The following VPS41 variants were observed in gnomAD, a reference collection of about 807,000 sequenced individuals.
VPS41 encodes the protein VPS41 subunit of HOPS complex.
In VPS41, 85 loss-of-function variants were observed where a neutral mutation model predicts 130.9. That is an observed-to-expected ratio of 0.65 (90% CI 0.55 to 0.78). The LOEUF (loss-of-function observed/expected upper bound fraction) is 0.78. Among genes scored for constraint, VPS41 ranks in the 30% least tolerant of loss-of-function variants. The pLI, the probability that VPS41 is intolerant of heterozygous loss-of-function variation, is 0.00. For missense variants in VPS41, 874 were observed against 1,018.7 expected (o/e 0.86, Z 1.93); for synonymous variants, 335 against 332.9 (o/e 1.01, Z -0.07).
intron 25 of VPS41, among the ~76,000 whole-genome samples, chr7:38,733,488 C>CTT (rs1490167797): frequency 2.0e-5 from 3 of 152,162 alleles, no homozygotes; most frequent in Non-Finnish European, 4.4e-5. Context: ...ACTACAGAAG[C>CTT]TTATAAGCAT....
intron 22 of VPS41, 181 bp from the exon 23 acceptor site, chr7:38,745,794 ACTGG>A: frequency 1.7e-6 from 1 of 602,126 alleles, no homozygotes; most frequent in Non-Finnish European, 2.9e-6. Context: ...TCTCAGAGGT[ACTGG>A]ACTCTACACA....
intron 4 of VPS41, among the ~76,000 whole-genome samples, chr7:38,843,554 C>A (rs911598271): frequency 2.6e-5 from 4 of 151,918 alleles, no homozygotes; most frequent in Admixed American, 2.0e-4. Context: ...CGGTGCTGGG[C>A]GCCTGTAATC....
At chr7:38,826,169 T>C (rs1440797316) in intron 5 of VPS41, among the ~76,000 whole-genome samples, 4 of 152,282 alleles carry the variant, frequency 2.6e-5, no homozygotes, top group Non-Finnish European at 2.9e-5. Context: ...CTGCCTTCAT[T>C]TAGTTACGGG....
intron 7 of VPS41, among the ~76,000 whole-genome samples, chr7:38,800,322 C>T (rs1784701151): frequency 6.6e-6 from 1 of 152,104 alleles, no homozygotes; most frequent in African/African-American, 2.4e-5. Context: ...AATGTGTATT[C>T]ACATATATTA....
intron 16 of VPS41, among the ~76,000 whole-genome samples, chr7:38,764,859 G>C (rs531933563): frequency 6.6e-6 from 1 of 151,898 alleles, no homozygotes; most frequent in South Asian, 2.1e-4. Flanking sequence ...TCAAAAAAAA[G>C]GTCCAAGTTA....
At position 38,842,890 on chromosome 7, in the gene VPS41, T is replaced by C. The variant is rs143164098; in HGVS notation, c.247-12562A>G. Among the ~76,000 whole-genome samples the C allele has an allele frequency of 3.0e-3, 464 of 152,340 alleles. 2 individuals carry two copies. Among genetic ancestry groups the C allele is most frequent in the Non-Finnish European group, 5.2e-3 (357 of 68,032 alleles). On this transcript the variant is annotated intron_variant, in intron 4 of 28. Transcript: ENST00000310301. ...AATAACTCACTTTGCTGCTTGTCTCTGGCACTTAATTGTGAGCCCATGAGA... is the reference window on the plus strand; with the variant it reads ...AATAACTCACTTTGCTGCTTGTCTCCGGCACTTAATTGTGAGCCCATGAGA...
chr7:38,897,636 C>A, intron 2 of VPS41, among the ~76,000 whole-genome samples: 1 of 110,348 alleles, frequency 9.1e-6, no homozygotes, highest in Non-Finnish European at 1.8e-5. Context: ...CAGAGCGAGA[C>A]TCCGTCTCAA....
chr7:38,894,398 A>G (rs1786933534), intron 2 of VPS41, among the ~76,000 whole-genome samples: 1 of 150,228 alleles, frequency 6.7e-6, no homozygotes, highest in Non-Finnish European at 1.5e-5. Context: ...AGTAATATCT[A>G]GGAGAGTAAC....
chr7:38,778,448 G>A (rs1272828189), intron 10 of VPS41, among the ~76,000 whole-genome samples: 1 of 152,164 alleles, frequency 6.6e-6, no homozygotes, highest in Non-Finnish European at 1.5e-5. Flanking sequence ...GGAATGTACA[G>A]ATGATATTAA....
chr7:38,856,683 T>C (rs1785992885), intron 4 of VPS41, among the ~76,000 whole-genome samples: 1 of 152,072 alleles, frequency 6.6e-6, no homozygotes, highest in Admixed American at 6.5e-5. Context: ...TAAATAGGAA[T>C]GTGAGGCTGG....
chr7:38,752,361 A>G (rs202208774), intron 21 of VPS41, 48 bp from the exon 22 acceptor site: 3 of 1,609,332 alleles, frequency 1.9e-6, no homozygotes, highest in East Asian at 2.2e-5. Context: ...TGAGAAAAGC[A>G]ATACCTGGCT....
intron 9 of VPS41, among the ~76,000 whole-genome samples, chr7:38,794,273 C>G (rs1243157595): frequency 6.6e-6 from 1 of 152,132 alleles, no homozygotes; most frequent in Non-Finnish European, 1.5e-5. Flanking sequence ...ACGATATAGG[C>G]ACAGTTTCCT....
chr7:38,872,402 G>A (rs1786387420), intron 2 of VPS41, among the ~76,000 whole-genome samples: 1 of 152,204 alleles, frequency 6.6e-6, no homozygotes, highest in Non-Finnish European at 1.5e-5. Flanking sequence ...AGTGTGGGAG[G>A]TGCAGGCACA....
intron 7 of VPS41, among the ~76,000 whole-genome samples, chr7:38,808,698 T>C (rs1053649465): frequency 6.6e-6 from 1 of 152,120 alleles, no homozygotes; most frequent in Non-Finnish European, 1.5e-5. Context: ...TCTGAAAACT[T>C]GCGGAAATAC....
At chr7:38,817,574 C>T (rs779279394) in intron 7 of VPS41, among the ~76,000 whole-genome samples, 18 of 152,174 alleles carry the variant, frequency 1.2e-4, no homozygotes, top group Non-Finnish European at 1.8e-4. Flanking sequence ...GCCAAGATCA[C>T]GCCACTGCAC....
chr7:38,905,364 T>C (rs755215351), intron 1 of VPS41, among the ~76,000 whole-genome samples: 1 of 152,240 alleles, frequency 6.6e-6, no homozygotes, highest in Non-Finnish European at 1.5e-5. Context: ...GCAAAACTGC[T>C]GGTTAGAAGA....
At chr7:38,808,058 T>C (rs550841420) in intron 7 of VPS41, among the ~76,000 whole-genome samples, 43 of 152,218 alleles carry the variant, frequency 2.8e-4, no homozygotes, top group African/African-American at 9.4e-4. Context: ...AAGAAAAAAG[T>C]ATATTTTTTA....
chr7:38,733,962 T>G (rs62444078), intron 25 of VPS41, among the ~76,000 whole-genome samples: 37,559 of 152,052 alleles, frequency 0.25, 5,537 homozygotes, highest in East Asian at 0.43. Flanking sequence ...GGCGCATGCC[T>G]GTAGTTCCAA....
At chr7:38,770,957 A>C (rs1784141996) in intron 14 of VPS41, among the ~76,000 whole-genome samples, 1 of 152,190 alleles carries the variant, frequency 6.6e-6, no homozygotes, top group Non-Finnish European at 1.5e-5. Context: ...TCTGTATTTA[A>C]AGTGTTTTCC....
Sources: allele counts gnomAD v4.1 joint callset (sites outside exome capture counted in the v4.1 genomes callset), GRCh38; gene constraint gnomAD v4.1.1; transcripts MANE v1.5; gene names NCBI Gene and HGNC (gene_info 2026-07-23, HGNC 2026-07-21).